The following RGPD2 variants were observed in gnomAD, a reference collection of about 807,000 sequenced individuals.
RGPD2 encodes RANBP2-like and GRIP domain-containing protein 2.
Under a neutral mutation model 36.0 loss-of-function variants are expected in RGPD2, and 2 were observed. The observed-to-expected ratio is 0.06, with a 90% CI of 0.02 to 0.17. RGPD2 has a LOEUF of 0.17. RGPD2 is among the 10% of genes least tolerant of loss of function. RGPD2 has a pLI of 1.00. For missense variants in RGPD2, 40 were observed against 464.3 expected (o/e 0.09, Z 8.40); for synonymous variants, 19 against 163.8 (o/e 0.12, Z 6.75).
chr2:87,761,792 CA>C (rs1249718894), intron 22 of RGPD2, among the ~76,000 whole-genome samples: 2 of 112,498 alleles, frequency 1.8e-5, no homozygotes, highest in Admixed American at 1.1e-4. Flanking sequence ...GATACTATAC[CA>C]AGACGAATTT....
At chr2:87,882,685 T>C in the RGPD2 span, among the ~76,000 whole-genome samples, 28 of 152,370 alleles carry the variant, frequency 1.8e-4, no homozygotes, top group Middle Eastern at 3.4e-3. Context: ...ATTTGGGTAA[T>C]ATAAACATTT....
rs1298767134 is a variant in RGPD2, at chr2:87,825,476, T to TCGC, written c.72+179_72+181dup. Among the ~76,000 whole-genome samples the TCGC allele has an allele frequency of 2.7e-4, 10 of 37,176 alleles. 1 individual carries two copies. The highest frequency in any genetic ancestry group is 6.7e-4 in the African/African-American group (7 of 10,450). The allele number at this position is 37,176 out of a possible 152,430, so 24.4% of individuals were successfully genotyped here. A position where few individuals can be genotyped will look rare whatever the true frequency, so the allele number is the denominator to read the frequency against. ...GCCGAGGCCGAGGCCGAGGCCGCCG[T>TCGC]CGCCGCCGCCGCCGCCCGGCCGAGG... On this transcript the variant is annotated intron_variant, in intron 1 of 22. Transcript: ENST00000398146.
At chr2:87,879,404 T>G in the RGPD2 span, among the ~76,000 whole-genome samples, 250 of 152,078 alleles carry the variant, frequency 1.6e-3, 1 homozygote, top group Middle Eastern at 3.4e-3. Context: ...TCTTTCTATT[T>G]TTTTTTCTTT....
the RGPD2 span, among the ~76,000 whole-genome samples, chr2:87,857,588 C>T: frequency 1.1e-4 from 16 of 151,828 alleles, no homozygotes; most frequent in African/African-American, 3.6e-4. Context: ...GTGATCCGCC[C>T]GCCTCGGCCT....
At chr2:87,984,756 C>A in the RGPD2 span, among the ~76,000 whole-genome samples, 1 of 149,560 alleles carries the variant, frequency 6.7e-6, no homozygotes, top group South Asian at 2.1e-4. Context: ...TGGTGAAACC[C>A]CATCTCTACT....
At chr2:87,978,993 G>A in the RGPD2 span, among the ~76,000 whole-genome samples, 1 of 150,154 alleles carries the variant, frequency 6.7e-6, no homozygotes, top group African/African-American at 2.4e-5. Context: ...TCAGCACTTT[G>A]GGAGGTCAAC....
At chr2:87,825,554 CCAGGTCGAGGCCGCCGCCCGG>C (rs1244497768) in intron 1 of RGPD2, 83 bp downstream of exon 1, 2 of 881,764 alleles carry the variant, frequency 2.3e-6, no homozygotes, top group Admixed American at 2.2e-4. Context: ...CGCCGCCCGG[CCAGGTCGAGGCCGCCGCCCGG>C]CCAGGTCGAG....
At chr2:87,864,625 CATAGAT>C in the RGPD2 span, among the ~76,000 whole-genome samples, 1 of 15,602 alleles carries the variant, frequency 6.4e-5, no homozygotes, top group African/African-American at 2.3e-4. Context: ...TAGATAGATA[CATAGAT>C]GATAGATAGT....
the RGPD2 span, among the ~76,000 whole-genome samples, chr2:87,842,406 T>G: frequency 1.3e-5 from 2 of 149,976 alleles, no homozygotes; most frequent in Non-Finnish European, 2.9e-5. Context: ...AGCATTCTTA[T>G]ACACCAATAA....
At chr2:87,805,731 G>C (rs533364220) in intron 7 of RGPD2, among the ~76,000 whole-genome samples, 2 of 152,220 alleles carry the variant, frequency 1.3e-5, no homozygotes, top group East Asian at 3.9e-4. Flanking sequence ...ATGGTGGTGG[G>C]CGCTTGTAGT....
intron 6 of RGPD2, among the ~76,000 whole-genome samples, chr2:87,809,512 C>CA (rs1223974441): frequency 1.5e-5 from 2 of 131,430 alleles, no homozygotes; most frequent in African/African-American, 5.5e-5. Flanking sequence ...ACTAAAAATA[C>CA]AAAAAAATTA....
chr2:87,872,271 T>C, the RGPD2 span, among the ~76,000 whole-genome samples: 1 of 151,786 alleles, frequency 6.6e-6, no homozygotes, highest in African/African-American at 2.4e-5. Context: ...TGTTACATTA[T>C]CAAGAAATCA....
At chr2:87,812,890 G>A (rs1362224484) in intron 4 of RGPD2, among the ~76,000 whole-genome samples, 2 of 151,398 alleles carry the variant, frequency 1.3e-5, no homozygotes, top group East Asian at 3.9e-4. Context: ...TGACTACTCA[G>A]TTCCTTAATC....
the RGPD2 span, among the ~76,000 whole-genome samples, chr2:87,879,419 T>TA: frequency 6.6e-6 from 1 of 151,642 alleles, no homozygotes; most frequent in African/African-American, 2.4e-5. Context: ...TTCTTTTTTT[T>TA]TTTTAACTCA....
the RGPD2 span, chr2:87,972,868 C>T: frequency 6.2e-7 from 1 of 1,610,944 alleles, no homozygotes; most frequent in South Asian, 1.1e-5. Flanking sequence ...TCTTTAGCTG[C>T]TGTTGGGCCT....
At chr2:87,986,402 G>A in the RGPD2 span, among the ~76,000 whole-genome samples, 2 of 149,956 alleles carry the variant, frequency 1.3e-5, no homozygotes, top group Non-Finnish European at 3.0e-5. Flanking sequence ...CAAAGCACTG[G>A]GATTACAGGT....
chr2:87,939,759 A>T, the RGPD2 span, among the ~76,000 whole-genome samples: 1 of 151,996 alleles, frequency 6.6e-6, no homozygotes, highest in African/African-American at 2.4e-5. Context: ...AAAGAGAGAG[A>T]ACTCAGGATG....
At chr2:87,936,275 G>A in the RGPD2 span, among the ~76,000 whole-genome samples, 1 of 151,726 alleles carries the variant, frequency 6.6e-6, no homozygotes, top group Admixed American at 6.6e-5. Context: ...CAGGAATAGG[G>A]ACTACAGAGC....
the RGPD2 span, among the ~76,000 whole-genome samples, chr2:87,834,275 G>A: frequency 6.6e-6 from 1 of 151,788 alleles, no homozygotes; most frequent in African/African-American, 2.4e-5. Context: ...GTGAAAAACT[G>A]AGCTCTAAAC....
Sources: gnomAD v4.1 joint callset for allele counts (sites outside exome capture counted in the v4.1 genomes callset) on GRCh38, gnomAD v4.1.1 for gene constraint, MANE v1.5 for transcripts, NCBI Gene and HGNC (gene_info 2026-07-23, HGNC 2026-07-21) for gene names.